Variants in ZC3H11A observed in about 807,000 individuals in gnomAD.
ZC3H11A encodes the protein zinc finger CCCH-type containing 11A.
ZC3H11A carries 22 observed loss-of-function variants against 90.8 expected under a neutral mutation model. The ratio of observed to expected loss-of-function variants is 0.24; its 90% CI spans 0.17 to 0.35. The LOEUF (loss-of-function observed/expected upper bound fraction) is 0.35, where lower values mean the gene tolerates loss of function less well. ZC3H11A is among the 10% of genes least tolerant of loss of function. The pLI is 1.00. For synonymous variants in ZC3H11A, 294 were observed against 339.8 expected (o/e 0.87, Z 1.48); for missense variants, 701 against 964.9 (o/e 0.73, Z 3.62).
At chr1:203,805,725 A>G (rs567796683) in intron 2 of ZC3H11A, 40 of 663,428 alleles carry the variant, frequency 6.0e-5, no homozygotes, top group Non-Finnish European at 8.4e-5. Flanking sequence ...ATGCTGGCTC[A>G]TCTAAATAGA....
intron 2 of ZC3H11A, among the ~76,000 whole-genome samples, chr1:203,804,621 A>G (rs1456933912): frequency 1.3e-5 from 2 of 148,822 alleles, no homozygotes; most frequent in African/African-American, 4.9e-5. Context: ...TAGATTTTCT[A>G]GTTTGCAAGC....
chr1:203,841,163 T>TA lies in ZC3H11A; in HGVS notation c.1042+789_1042+790insA, dbSNP rs1429649502. On this transcript the variant is annotated intron_variant, in intron 12 of 17. Coordinates refer to ENST00000367210, the MANE Select transcript of ZC3H11A (RefSeq NM_001376342.1). ...GAATCTTTTTTTTTTTTTTATTTTT[T>TA]TTTTTAGTATTTATTGATCATTCTT... Among the ~76,000 whole-genome samples the TA allele has an allele frequency of 1.1e-4, 17 of 151,878 alleles. No individual in the cohort carries two copies. The East Asian group carries it at 1.4e-3, about 12-fold the overall frequency.
chr1:203,807,031 T>C (rs1365462035), intron 2 of ZC3H11A, among the ~76,000 whole-genome samples: 1 of 151,892 alleles, frequency 6.6e-6, no homozygotes, highest in African/African-American at 2.4e-5. Context: ...CCTTTTTGAT[T>C]ATGTAGTGTT....
At chr1:203,844,216 C>T (rs1233960757) in intron 12 of ZC3H11A, among the ~76,000 whole-genome samples, 1 of 151,632 alleles carries the variant, frequency 6.6e-6, no homozygotes, top group African/African-American at 2.4e-5. Context: ...GGCTGGAGTG[C>T]AGTGGCGTGA....
At chr1:203,804,952 C>A (rs559725873) in intron 2 of ZC3H11A, among the ~76,000 whole-genome samples, 1 of 151,590 alleles carries the variant, frequency 6.6e-6, no homozygotes, top group Admixed American at 6.6e-5. Context: ...GGATTACAGG[C>A]GTGAGCTATT....
chr1:203,815,515 G>T (rs765964061), intron 2 of ZC3H11A, among the ~76,000 whole-genome samples: 1 of 151,490 alleles, frequency 6.6e-6, no homozygotes, highest in Non-Finnish European at 1.5e-5. Flanking sequence ...CACTGCACCC[G>T]GCCTATTTCA....
chr1:203,848,478 C>A lies in ZC3H11A; in HGVS notation c.1623+71C>A, dbSNP rs865868933. On this transcript the variant is annotated intron_variant, in intron 14 of 17. Coordinates refer to ENST00000367210, the MANE Select transcript of ZC3H11A (RefSeq NM_001376342.1). ...CTAGATAATTGGTAGTTTTACCTTA[C>A]AATAAATTTCTAAGTACTTCATTCA... is the stretch of plus-strand genomic sequence containing the variant. 37 of 1,160,322 alleles carry A rather than the reference C, an allele frequency of 3.2e-5. No individual in the cohort carries two copies. In the Middle Eastern group the frequency reaches 2.9e-3, roughly 91 times the overall value. The allele number at this position is 1,160,322 out of a possible 1,614,324, so 71.9% of individuals were successfully genotyped here.
intron 8 of ZC3H11A, 68 bp downstream of exon 8, chr1:203,830,271 A>C: frequency 8.3e-7 from 1 of 1,205,086 alleles, no homozygotes; most frequent in South Asian, 1.4e-5. Context: ...ACGCTTCTAG[A>C]AGCAACAGCC....
intron 13 of ZC3H11A, 134 bp from the exon 14 acceptor site, chr1:203,848,197 G>A: frequency 2.7e-6 from 2 of 745,796 alleles, no homozygotes; most frequent in Non-Finnish European, 4.4e-6. Context: ...GACTTTAGGA[G>A]CACAGATGGG....
At chr1:203,804,399 G>A (rs896177477) in intron 2 of ZC3H11A, among the ~76,000 whole-genome samples, 13 of 151,780 alleles carry the variant, frequency 8.6e-5, no homozygotes, top group African/African-American at 2.4e-4. Flanking sequence ...TGATCCGCCC[G>A]CCTCGGCCTC....
At chr1:203,844,043 A>G (rs929589517) in intron 12 of ZC3H11A, among the ~76,000 whole-genome samples, 2 of 151,600 alleles carry the variant, frequency 1.3e-5, no homozygotes, top group Non-Finnish European at 2.9e-5. Context: ...TTTTAGTAGA[A>G]ACGGGGCTTC....
intron 2 of ZC3H11A, among the ~76,000 whole-genome samples, chr1:203,810,863 G>A (rs919341046): frequency 1.3e-5 from 2 of 151,808 alleles, no homozygotes; most frequent in African/African-American, 2.4e-5. Context: ...TGGGCCAGAC[G>A]CTCACGCCTG....
At chr1:203,841,410 G>A (rs955346485) in intron 12 of ZC3H11A, among the ~76,000 whole-genome samples, 7 of 152,080 alleles carry the variant, frequency 4.6e-5, no homozygotes, top group Admixed American at 1.3e-4. Context: ...ATCTTGCACC[G>A]CCCTTAATCA....
intron 10 of ZC3H11A, chr1:203,835,887 C>A: frequency 4.1e-6 from 1 of 244,250 alleles, no homozygotes; most frequent in Non-Finnish European, 8.9e-6. Flanking sequence ...AGCAAAAATG[C>A]CCTTGGACCA....
intron 1 of ZC3H11A, chr1:203,798,626 A>G: frequency 6.5e-7 from 1 of 1,536,170 alleles, no homozygotes; most frequent in Middle Eastern, 1.7e-4. Context: ...ACTCTGATTC[A>G]GATGAACCTA....
At chr1:203,851,626 G>A (rs770281596) in intron 17 of ZC3H11A, among the ~76,000 whole-genome samples, 3 of 151,998 alleles carry the variant, frequency 2.0e-5, no homozygotes, top group African/African-American at 7.3e-5. Flanking sequence ...TACCATGCCC[G>A]GCCCCTGAAA....
chr1:203,833,764 A>G (rs199939934), intron 9 of ZC3H11A, 27 bp from the exon 10 acceptor site: 2 of 1,601,542 alleles, frequency 1.2e-6, no homozygotes, highest in East Asian at 2.3e-5. Context: ...GACTAAGGAT[A>G]GAGAAATTCT....
At chr1:203,820,596 A>G (rs1050475434) in intron 4 of ZC3H11A, among the ~76,000 whole-genome samples, 2 of 151,286 alleles carry the variant, frequency 1.3e-5, no homozygotes, top group Admixed American at 6.6e-5. Flanking sequence ...TTGTGCCTCA[A>G]CCTCTCGAGT....
At chr1:203,795,860 G>A (rs2102306438) in intron 1 of ZC3H11A, 66 bp downstream of exon 1, 1 of 151,902 alleles carries the variant, frequency 6.6e-6, no homozygotes, top group Admixed American at 6.5e-5. Flanking sequence ...AGAGGGCGAG[G>A]GGAGTGGCAG....
Sources: gnomAD v4.1 joint callset for allele counts (sites outside exome capture counted in the v4.1 genomes callset) on GRCh38, gnomAD v4.1.1 for gene constraint, MANE v1.5 for transcripts, NCBI Gene and HGNC (gene_info 2026-07-23, HGNC 2026-07-21) for gene names.